The following PTK2 variants were observed in gnomAD, a reference collection of about 807,000 sequenced individuals.
The protein encoded by PTK2 is focal adhesion kinase 1.
Under a neutral mutation model 150.1 loss-of-function variants are expected in PTK2, and 45 were observed. That is an observed-to-expected ratio of 0.30 (90% CI 0.24 to 0.38). The LOEUF (loss-of-function observed/expected upper bound fraction) is 0.38, where lower values mean the gene tolerates loss of function less well. Among genes scored for constraint, PTK2 ranks in the 10% least tolerant of loss-of-function variants. The pLI is 1.00. For missense variants in PTK2, 919 were observed against 1,307.3 expected (o/e 0.70, Z 4.58); for synonymous variants, 432 against 449.2 (o/e 0.96, Z 0.48).
chr8:140,712,053 C>A (rs565389623), intron 23 of PTK2, among the ~76,000 whole-genome samples: 1 of 151,888 alleles, frequency 6.6e-6, no homozygotes, highest in South Asian at 2.1e-4. Flanking sequence ...TTTCAGGACC[C>A]CTTTACAGTC....
chr8:140,920,157 A>G (rs954009912), intron 2 of PTK2, among the ~76,000 whole-genome samples: 4 of 152,122 alleles, frequency 2.6e-5, no homozygotes, highest in Non-Finnish European at 5.9e-5. Flanking sequence ...TAACTTAAAT[A>G]TTTCTACTAC....
chr8:140,769,939 T>C (rs538116463), intron 14 of PTK2, among the ~76,000 whole-genome samples: 2 of 152,352 alleles, frequency 1.3e-5, no homozygotes, highest in South Asian at 2.1e-4. Context: ...AAATGGTTTC[T>C]ACCTTCCTCA....
intron 1 of PTK2, among the ~76,000 whole-genome samples, chr8:140,997,336 T>C (rs760762933): frequency 2.6e-5 from 4 of 152,224 alleles, no homozygotes; most frequent in Admixed American, 1.3e-4. Context: ...ATCTAGAATA[T>C]TGCATACACT....
intron 21 of PTK2, among the ~76,000 whole-genome samples, chr8:140,738,591 C>A (rs2100053890): frequency 6.6e-6 from 1 of 152,028 alleles, no homozygotes. Context: ...GGCTGGACTC[C>A]AGAATAAAGA....
At chr8:140,730,936 AC>A (rs1381032263) in intron 22 of PTK2, among the ~76,000 whole-genome samples, 30 of 146,804 alleles carry the variant, frequency 2.0e-4, no homozygotes, top group Admixed American at 1.7e-3. Context: ...AACTGAAGTA[AC>A]CAGGAATTAA....
chr8:140,815,475 T>C (rs577768794), intron 10 of PTK2, among the ~76,000 whole-genome samples: 2 of 152,116 alleles, frequency 1.3e-5, no homozygotes, highest in African/African-American at 2.4e-5. Context: ...CTAGGATTAA[T>C]ACCTGGGTGA....
chr8:140,912,440 G>A (rs1254787133), intron 2 of PTK2, among the ~76,000 whole-genome samples: 1 of 151,844 alleles, frequency 6.6e-6, no homozygotes, highest in African/African-American at 2.4e-5. Context: ...ATCAGCCTGG[G>A]CAACGTATTA....
intron 15 of PTK2, 94 bp from the exon 18 acceptor site, chr8:140,762,482 T>A (rs1171007720): frequency 2.1e-6 from 1 of 470,382 alleles, no homozygotes; most frequent in African/African-American, 2.1e-5. Context: ...AGAGAATATT[T>A]CAACAATACT....
At chr8:140,929,837 A>T (rs919824729) in intron 1 of PTK2, among the ~76,000 whole-genome samples, 5 of 151,870 alleles carry the variant, frequency 3.3e-5, no homozygotes, top group Non-Finnish European at 7.4e-5. Flanking sequence ...TTTTTCAGTT[A>T]TGATAATTAA....
intron 21 of PTK2, among the ~76,000 whole-genome samples, chr8:140,736,726 A>G (rs995673108): frequency 1.3e-5 from 2 of 152,068 alleles, no homozygotes; most frequent in South Asian, 4.1e-4. Context: ...CGCCAAAAAC[A>G]TCCCTTTACC....
intron 27 of PTK2, among the ~76,000 whole-genome samples, chr8:140,681,586 G>T (rs1002466070): frequency 6.6e-6 from 1 of 152,088 alleles, no homozygotes; most frequent in African/African-American, 2.4e-5. Flanking sequence ...GACCATCCCG[G>T]CTAACACAGT....
intron 2 of PTK2, among the ~76,000 whole-genome samples, chr8:140,916,890 T>C (rs2100165469): frequency 6.6e-6 from 1 of 152,158 alleles, no homozygotes. Flanking sequence ...ACCTCAATTA[T>C]CGCATCTGGA....
chr8:140,782,169 T>C (rs962228645), intron 14 of PTK2, among the ~76,000 whole-genome samples: 6 of 151,364 alleles, frequency 4.0e-5, no homozygotes, highest in Non-Finnish European at 7.4e-5. Context: ...AAATTATTAG[T>C]AGCATTAATT....
At chr8:140,896,662 G>A (rs1462538272) in intron 2 of PTK2, among the ~76,000 whole-genome samples, 1 of 151,860 alleles carries the variant, frequency 6.6e-6, no homozygotes. Context: ...AATACTAGTG[G>A]GAAAAAAACT....
At chr8:140,768,884 T>C (rs760789087) in intron 14 of PTK2, among the ~76,000 whole-genome samples, 46 of 152,170 alleles carry the variant, frequency 3.0e-4, no homozygotes, top group Non-Finnish European at 6.0e-4. Context: ...ATTACAAAAA[T>C]GAACATAGGT....
chr8:140,896,650 TAA>T (rs1274319861), intron 2 of PTK2, among the ~76,000 whole-genome samples: 1 of 152,034 alleles, frequency 6.6e-6, no homozygotes, highest in East Asian at 1.9e-4. Context: ...ACATGAAATG[TAA>T]ATACTAGTGG....
chr8:140,869,982 CT>C (rs1171765665), intron 4 of PTK2, among the ~76,000 whole-genome samples: 2 of 151,934 alleles, frequency 1.3e-5, no homozygotes, highest in African/African-American at 2.4e-5. Flanking sequence ...TTAAATGTCA[CT>C]TTTCAAGCAA....
chr8:140,946,688 C>T (rs2100177819), intron 1 of PTK2, among the ~76,000 whole-genome samples: 1 of 152,128 alleles, frequency 6.6e-6, no homozygotes, highest in African/African-American at 2.4e-5. Context: ...CTATTTAGAC[C>T]TCAAATTCAC....
At chr8:140,691,025 T>G (rs187522822) in intron 26 of PTK2, among the ~76,000 whole-genome samples, 2 of 152,190 alleles carry the variant, frequency 1.3e-5, no homozygotes, top group South Asian at 4.1e-4. Flanking sequence ...ACTAAGTTGG[T>G]GCCACACAAG....
Sources: gnomAD v4.1 joint callset for allele counts (sites outside exome capture counted in the v4.1 genomes callset) on GRCh38, gnomAD v4.1.1 for gene constraint, MANE v1.5 for transcripts, NCBI Gene and HGNC (gene_info 2026-07-23, HGNC 2026-07-21) for gene names.